DNM3: variants seen among roughly 807,000 people sequenced by gnomAD.
The protein encoded by DNM3 is dynamin 3, also known as dynamin-3.
In DNM3, 47 loss-of-function variants were observed where a neutral mutation model predicts 101.6. The observed-to-expected ratio is 0.46, with a 90% CI of 0.37 to 0.59. The LOEUF (loss-of-function observed/expected upper bound fraction) is 0.59, where lower values mean the gene tolerates loss of function less well. Among genes scored for constraint, DNM3 ranks in the 20% least tolerant of loss-of-function variants. The pLI, the probability that DNM3 is intolerant of heterozygous loss-of-function variation, is 0.00. For synonymous variants in DNM3, 385 were observed against 387.9 expected (o/e 0.99, Z 0.09); for missense variants, 849 against 1,085.7 (o/e 0.78, Z 3.06).
intron 17 of DNM3, among the ~76,000 whole-genome samples, chr1:172,337,872 TTTTATTTTA>T (rs1558013781): frequency 2.4e-4 from 19 of 80,614 alleles, no homozygotes; most frequent in African/African-American, 1.9e-3. Context: ...TTTATTTTTA[TTTTATTTTA>T]TTTTATTTTA....
intron 15 of DNM3, among the ~76,000 whole-genome samples, chr1:172,287,555 T>G (rs1465533920): frequency 6.6e-6 from 1 of 152,062 alleles, no homozygotes; most frequent in South Asian, 2.1e-4. Context: ...AATTCTTATT[T>G]AATTTTCTAT....
intron 16 of DNM3, among the ~76,000 whole-genome samples, chr1:172,314,955 C>A (rs1220872934): frequency 6.6e-6 from 1 of 152,184 alleles, no homozygotes; most frequent in Non-Finnish European, 1.5e-5. Context: ...GTCCCTGACC[C>A]CTGACTCCCG....
chr1:171,900,057 G>A (rs529947031), intron 1 of DNM3, among the ~76,000 whole-genome samples: 4 of 152,302 alleles, frequency 2.6e-5, no homozygotes, highest in East Asian at 1.9e-4. Context: ...CAGTGGGGGA[G>A]GATTGGCAAG....
chr1:171,844,626 C>T (rs1240658673), intron 1 of DNM3, among the ~76,000 whole-genome samples: 1 of 152,128 alleles, frequency 6.6e-6, no homozygotes, highest in East Asian at 1.9e-4. Flanking sequence ...GAATGAACCA[C>T]TTGTTTGTGA....
intron 10 of DNM3, among the ~76,000 whole-genome samples, chr1:172,066,622 C>T (rs1470725180): frequency 1.3e-5 from 2 of 152,210 alleles, no homozygotes; most frequent in Non-Finnish European, 2.9e-5. Context: ...TGAATTTTAA[C>T]ATGAATTTGG....
chr1:172,153,298 C>T (rs181840661), intron 14 of DNM3, among the ~76,000 whole-genome samples: 1 of 152,136 alleles, frequency 6.6e-6, no homozygotes, highest in Non-Finnish European at 1.5e-5. Flanking sequence ...TGGAGGATTG[C>T]CATGGCAATG....
At chr1:171,864,826 T>C (rs1278651523) in intron 1 of DNM3, 1 of 152,112 alleles carries the variant, frequency 6.6e-6, no homozygotes, top group Non-Finnish European at 1.5e-5. Flanking sequence ...TTTTCAGTTT[T>C]GCTTGCCAAA....
intron 2 of DNM3, among the ~76,000 whole-genome samples, chr1:171,971,725 C>CA (rs1392635550): frequency 6.6e-6 from 1 of 152,038 alleles, no homozygotes; most frequent in Non-Finnish European, 1.5e-5. Flanking sequence ...AAAACAAAAA[C>CA]AAAAAACCCA....
chr1:172,220,916 T>G (rs942170918), intron 14 of DNM3, among the ~76,000 whole-genome samples: 7 of 152,178 alleles, frequency 4.6e-5, no homozygotes, highest in Admixed American at 3.3e-4. Flanking sequence ...ATTGTTCCAT[T>G]TCAGAATTGT....
intron 1 of DNM3, chr1:171,864,425 G>A (rs2034501818): frequency 1.3e-5 from 2 of 152,250 alleles, no homozygotes; most frequent in Non-Finnish European, 2.9e-5. Flanking sequence ...ACATTAAGGA[G>A]CTGTGCCAGT....
At chr1:172,287,099 G>T (rs1013695549) in intron 15 of DNM3, among the ~76,000 whole-genome samples, 1 of 152,170 alleles carries the variant, frequency 6.6e-6, no homozygotes, top group Non-Finnish European at 1.5e-5. Flanking sequence ...GAAAATGAAG[G>T]CTAAGGAAAA....
At chr1:172,081,374 A>G (rs539071941) in intron 11 of DNM3, among the ~76,000 whole-genome samples, 1 of 152,320 alleles carries the variant, frequency 6.6e-6, no homozygotes, top group East Asian at 1.9e-4. Context: ...TTAAGCTGCT[A>G]AAGATAGAAG....
chr1:172,194,770 G>A (rs2059886317), intron 14 of DNM3, among the ~76,000 whole-genome samples: 1 of 152,012 alleles, frequency 6.6e-6, no homozygotes, highest in Non-Finnish European at 1.5e-5. Context: ...CATGTAAGAT[G>A]AGTCTCCTGA....
chr1:172,161,880 T>A (rs2058558594), intron 14 of DNM3, among the ~76,000 whole-genome samples: 1 of 152,054 alleles, frequency 6.6e-6, no homozygotes, highest in South Asian at 2.1e-4. Context: ...AGAGGTACCA[T>A]CATGATAAGT....
intron 8 of DNM3, among the ~76,000 whole-genome samples, chr1:172,043,831 T>G (rs2049574126): frequency 6.6e-6 from 1 of 152,232 alleles, no homozygotes; most frequent in Non-Finnish European, 1.5e-5. Context: ...TGTGACACTT[T>G]GGTCCTACTT....
chr1:172,322,781 C>T (rs2065776835), intron 16 of DNM3, among the ~76,000 whole-genome samples: 1 of 152,022 alleles, frequency 6.6e-6, no homozygotes. Context: ...TACCCTGTCT[C>T]CCTAGAACCA....
intron 17 of DNM3, among the ~76,000 whole-genome samples, chr1:172,351,351 G>A (rs2067193606): frequency 6.6e-6 from 1 of 152,106 alleles, no homozygotes; most frequent in Admixed American, 6.6e-5. Context: ...TAGAATAATT[G>A]ATGGTTTTCT....
In DNM3 at chr1:172,409,695, C is replaced by T. The variant is rs780899028; in HGVS notation, c.*1854C>T. ...AAATGGAAAACTGTTAAGCAAACAT[C>T]CATAGTAAAACAAATAATCTTCAGT... On this transcript the variant is annotated 3_prime_UTR_variant, in exon 21 of 21. Transcript: ENST00000627582. 2.3e-5 allele frequency: 23 copies of T among 985,466 alleles called. No individual in the cohort carries two copies. The highest frequency in any genetic ancestry group is 2.8e-5 in the Non-Finnish European group (23 of 829,734). The allele number at this position is 985,466 out of a possible 1,614,324, so 61.0% of individuals were successfully genotyped here.
chr1:172,335,069 A>G (rs1183720842), intron 17 of DNM3, among the ~76,000 whole-genome samples: 1 of 152,132 alleles, frequency 6.6e-6, no homozygotes, highest in Non-Finnish European at 1.5e-5. Context: ...CAACCTTAAA[A>G]TCATAATTCT....
Sources: allele counts gnomAD v4.1 joint callset (sites outside exome capture counted in the v4.1 genomes callset), GRCh38; gene constraint gnomAD v4.1.1; transcripts MANE v1.5; gene names NCBI Gene and HGNC (gene_info 2026-07-23, HGNC 2026-07-21).